Variants in SORBS2 observed in about 807,000 individuals in gnomAD.
SORBS2 encodes sorbin and SH3 domain containing 2.
In SORBS2, 46 loss-of-function variants were observed where a neutral mutation model predicts 97.7. That is an observed-to-expected ratio of 0.47 (90% CI 0.37 to 0.60). The LOEUF (loss-of-function observed/expected upper bound fraction) is 0.60, where lower values mean the gene tolerates loss of function less well. SORBS2 is among the 20% of genes least tolerant of loss of function. SORBS2 has a pLI of 0.00. For synonymous variants in SORBS2, 476 were observed against 473.4 expected, an observed-to-expected ratio of 1.01 and a Z score of -0.07; for missense variants, 1,316 against 1,282.3, an observed-to-expected ratio of 1.03 and a Z score of -0.40.
chr4:185,795,434 T>C (rs1294963380), intron 1 of SORBS2, among the ~76,000 whole-genome samples: 2 of 151,940 alleles, frequency 1.3e-5, no homozygotes, highest in Admixed American at 1.3e-4. Context: ...TCCTAGTCCA[T>C]CCCCAGCAGA....
At chr4:185,590,465 T>C (rs2095898720) in intron 13 of SORBS2, among the ~76,000 whole-genome samples, 1 of 152,162 alleles carries the variant, frequency 6.6e-6, no homozygotes, top group South Asian at 2.1e-4. Context: ...TGAAGTTGAG[T>C]AGATGTATTC....
At chr4:185,872,427 A>G (rs2099230912) in intron 1 of SORBS2, among the ~76,000 whole-genome samples, 1 of 152,166 alleles carries the variant, frequency 6.6e-6, no homozygotes. Context: ...TCCTTGGCAG[A>G]GCTGTGGGAA....
chr4:185,777,885 C>A (rs2099007682), intron 1 of SORBS2, among the ~76,000 whole-genome samples: 1 of 152,146 alleles, frequency 6.6e-6, no homozygotes, highest in South Asian at 2.1e-4. Flanking sequence ...TACCACTATG[C>A]AGTCCATCCA....
chr4:185,697,194 C>T (rs2098188037), intron 2 of SORBS2, among the ~76,000 whole-genome samples: 1 of 152,160 alleles, frequency 6.6e-6, no homozygotes, highest in African/African-American at 2.4e-5. Flanking sequence ...GGCATTATTC[C>T]CATTCACTAA....
chr4:185,893,657 G>T (rs2099243578), intron 1 of SORBS2, among the ~76,000 whole-genome samples: 1 of 152,096 alleles, frequency 6.6e-6, no homozygotes, highest in Admixed American at 6.5e-5. Context: ...ACAAACATGA[G>T]ACTCAAAAAA....
intron 2 of SORBS2, among the ~76,000 whole-genome samples, chr4:185,745,571 T>C (rs563375240): frequency 1.3e-5 from 2 of 152,306 alleles, no homozygotes; most frequent in South Asian, 4.1e-4. Context: ...GGCGACCTAT[T>C]ACAAATTTCC....
chr4:185,764,663 T>C (rs1472027111), intron 2 of SORBS2, among the ~76,000 whole-genome samples: 1 of 152,166 alleles, frequency 6.6e-6, no homozygotes, highest in African/African-American at 2.4e-5. Context: ...GTGAAAGATA[T>C]TTACAATTTA....
intron 1 of SORBS2, among the ~76,000 whole-genome samples, chr4:185,823,749 G>A (rs2153671207): frequency 6.6e-6 from 1 of 152,272 alleles, no homozygotes; most frequent in South Asian, 2.1e-4. Flanking sequence ...TCAGAGGAAA[G>A]AAGAACAGAA....
At chr4:185,757,635 C>T (rs1472275216) in intron 2 of SORBS2, among the ~76,000 whole-genome samples, 1 of 144,496 alleles carries the variant, frequency 6.9e-6, no homozygotes, top group African/African-American at 2.6e-5. Flanking sequence ...AATTAAATCA[C>T]TGTCTCAACT....
chr4:185,730,738 A>T (rs72702092), intron 2 of SORBS2, among the ~76,000 whole-genome samples: 1 of 152,222 alleles, frequency 6.6e-6, no homozygotes, highest in Non-Finnish European at 1.5e-5. Flanking sequence ...CAGCCCCTAG[A>T]GTCCCAGAGG....
rs559248399 is a variant in SORBS2, at chr4:185,653,750, C to A, written c.25-1022G>T. Among the ~76,000 whole-genome samples the A allele has an allele frequency of 6.6e-5, 10 of 152,212 alleles. No individual in the cohort carries two copies. In the East Asian group the frequency reaches 1.7e-3, roughly 26 times the overall value. ...GATAGAGCTCTGCCTTTCTGGATACCTGTAAAAGTAGACACATGCTTTTAT... is the reference window on the plus strand; with the variant it reads ...GATAGAGCTCTGCCTTTCTGGATACATGTAAAAGTAGACACATGCTTTTAT... On this transcript the variant is annotated intron_variant, in intron 1 of 14. Coordinates refer to ENST00000418609, the Ensembl canonical transcript of SORBS2.
In SORBS2 at chr4:185,714,771, ACGAGAACAGCT is replaced by A. The variant is rs1385237650; in HGVS notation, c.-197-35960_-197-35950del. The stretch of plus-strand genomic sequence containing the variant: ...AGATCTCGTAGATGTATTCACTACC[ACGAGAACAGCT>A]TGAGGGAAACCACCCCCATGATCCA... On this transcript the variant is annotated intron_variant, in intron 2 of 20. Transcript: ENST00000284776. Among the ~76,000 whole-genome samples the A allele has an allele frequency of 6.8e-4, 103 of 152,246 alleles. 1 individual carries two copies. The East Asian group carries it at 0.018, about 26-fold the overall frequency.
intron 1 of SORBS2, among the ~76,000 whole-genome samples, chr4:185,816,385 A>C (rs1029219891): frequency 6.6e-6 from 1 of 152,130 alleles, no homozygotes; most frequent in Non-Finnish European, 1.5e-5. Context: ...GGTAGCAAAG[A>C]CTTTTGTAAA....
intron 1 of SORBS2, among the ~76,000 whole-genome samples, chr4:185,938,224 C>T (rs945759462): frequency 7.9e-5 from 12 of 151,866 alleles, no homozygotes; most frequent in Non-Finnish European, 1.5e-4. Context: ...TCTCGAACTT[C>T]GGACCTCAGG....
At chr4:185,725,588 A>G (rs2098549643) in intron 2 of SORBS2, among the ~76,000 whole-genome samples, 1 of 152,224 alleles carries the variant, frequency 6.6e-6, no homozygotes, top group African/African-American at 2.4e-5. Context: ...GTGCTTGGAC[A>G]TAGGGATTGA....
intron 1 of SORBS2, among the ~76,000 whole-genome samples, chr4:185,873,939 T>G (rs1451657829): frequency 6.6e-6 from 1 of 152,182 alleles, no homozygotes; most frequent in Non-Finnish European, 1.5e-5. Context: ...TCTAACTTTT[T>G]GCTTTGCTAG....
intron 1 of SORBS2, among the ~76,000 whole-genome samples, chr4:185,889,221 A>AC (rs1366133200): frequency 1.3e-5 from 2 of 152,204 alleles, no homozygotes; most frequent in African/African-American, 4.8e-5. Context: ...CCTTCTGGAA[A>AC]ACATCTCAAT....
chr4:185,854,809 GA>G lies in SORBS2; in HGVS notation c.-337-79444del. On this transcript the variant is annotated intron_variant, in intron 1 of 20. Transcript: ENST00000284776. ...GAAGAGAGAGAGAGAGAGAGAGAGAGAGAGAGAGCCTTAGTTAGTTTACTGA... is the reference window on the plus strand; with the variant it reads ...GAAGAGAGAGAGAGAGAGAGAGAGAGGAGAGAGCCTTAGTTAGTTTACTGA... Among the ~76,000 whole-genome samples the G allele has an allele frequency of 2.6e-5, 4 of 151,920 alleles. No homozygotes were observed. In the South Asian group the frequency reaches 8.3e-4, roughly 32 times the overall value.
At position 185,734,594 on chromosome 4, in the gene SORBS2, G is replaced by C. The variant is rs535873600; in HGVS notation, c.-198+40633C>G. 9.9e-5 allele frequency among the ~76,000 whole-genome samples: 15 copies of C among 152,256 alleles called. No individual in the cohort carries two copies. In the South Asian group the frequency reaches 1.4e-3, roughly 15 times the overall value. On this transcript the variant is annotated intron_variant, in intron 2 of 20. Coordinates refer to the SORBS2 transcript ENST00000284776. The stretch of plus-strand genomic sequence containing the variant: ...TAATAGAATGGAAGGGTGCAGCACA[G>C]CAAAGGCCATAGTGTTAATATCCCT...
Sources: allele counts gnomAD v4.1 joint callset (sites outside exome capture counted in the v4.1 genomes callset), GRCh38; gene constraint gnomAD v4.1.1; transcripts MANE v1.5; gene names NCBI Gene and HGNC (gene_info 2026-07-23, HGNC 2026-07-21).